Variants in ZFYVE26 observed in about 807,000 individuals in gnomAD.
ZFYVE26 encodes the protein zinc finger FYVE domain-containing protein 26.
A neutral mutation model predicts 276.5 loss-of-function variants in ZFYVE26; 181 were observed. The ratio of observed to expected loss-of-function variants is 0.65; its 90% CI spans 0.58 to 0.74. The LOEUF is 0.74. Among genes scored for constraint, ZFYVE26 ranks in the 30% least tolerant of loss-of-function variants. ZFYVE26 has a pLI of 0.00. For synonymous variants in ZFYVE26, 1,129 were observed against 1,203.1 expected, an observed-to-expected ratio of 0.94 and a Z score of 1.27; for missense variants, 2,821 against 3,097.9, an observed-to-expected ratio of 0.91 and a Z score of 2.12.
intron 14 of ZFYVE26, among the ~76,000 whole-genome samples, chr14:67,791,363 C>T (rs2039809406): frequency 6.6e-6 from 1 of 152,106 alleles, no homozygotes; most frequent in African/African-American, 2.4e-5. Context: ...TGGTTAAATG[C>T]AGCTACTTGA....
At chr14:67,784,307 G>A (rs1008617467) in intron 20 of ZFYVE26, 27 bp downstream of exon 20, 2 of 1,590,172 alleles carry the variant, frequency 1.3e-6, no homozygotes, top group African/African-American at 2.7e-5. Context: ...AAGGCCCATG[G>A]CTGACTTGCA....
intron 29 of ZFYVE26, 137 bp from the exon 30 acceptor site, chr14:67,768,685 G>T (rs1189771369): frequency 3.7e-6 from 3 of 818,554 alleles, no homozygotes; most frequent in Non-Finnish European, 6.2e-6. Flanking sequence ...TTGAATGAAA[G>T]AGTCCCCCAT....
In ZFYVE26 at chr14:67,748,160, G is replaced by T. The variant is rs190260732; in HGVS notation, c.*276C>A. On this transcript the variant is annotated 3_prime_UTR_variant, in exon 42 of 42. Coordinates refer to ENST00000347230, the MANE Select transcript of ZFYVE26 (RefSeq NM_015346.4). The stretch of plus-strand genomic sequence containing the variant: ...CATCAGCGCACAGGAACATGCACAC[G>T]TGTGTGCACACATACTCACTCACTC... 5.8e-6 allele frequency: 3 copies of T among 516,976 alleles called. No homozygotes were observed. The highest frequency in any genetic ancestry group is 6.6e-5 in the East Asian group (2 of 30,166). The allele number at this position is 516,976 out of a possible 1,614,324, so 32.0% of individuals were successfully genotyped here. A position where few individuals can be genotyped will look rare whatever the true frequency, so the allele number is the denominator to read the frequency against.
At chr14:67,779,919 T>C (rs980067187) in intron 23 of ZFYVE26, among the ~76,000 whole-genome samples, 1 of 152,194 alleles carries the variant, frequency 6.6e-6, no homozygotes, top group Non-Finnish European at 1.5e-5. Context: ...TCGTCCAGGC[T>C]AGAGTGCAGT....
At chr14:67,799,494 GA>G in intron 10 of ZFYVE26, 1 of 1,607,006 alleles carries the variant, frequency 6.2e-7, no homozygotes. Context: ...ATTCAGAGCA[GA>G]CAAAAGGATC....
At chr14:67,739,686 G>A (rs1397660918) in intron 13 of ZFYVE26, among the ~76,000 whole-genome samples, 1 of 151,960 alleles carries the variant, frequency 6.6e-6, no homozygotes, top group Non-Finnish European at 1.5e-5. Context: ...TTCTGAATAT[G>A]ACAGATATCC....
rs374527998 is a variant in ZFYVE26 at position 67,793,623 on chromosome 14, G to A, written c.2538C>T (p.Phe846=). 14 of 1,613,546 alleles carry A rather than the reference G, an allele frequency of 8.7e-6. No individual in the cohort carries two copies. Among genetic ancestry groups the A allele is most frequent in the Middle Eastern group, 1.6e-4 (1 of 6,074 alleles). The change falls in exon 14 of 42, where the codon TTC becomes TTT. Residue 846 remains phenylalanine (F), a synonymous_variant. Transcript: ENST00000347230. ...LLASCILRGN[F]AEAHQVLFTF... ...CTCCCCTCACCTGATGGGCTTCTGC[G>A]AAGTTCCCGCGAAGGATGCAGGATG...
Position 67,748,227 on chromosome 14 carries a change from C to T in ZFYVE26, c.*209G>A, listed in dbSNP as rs755815597. 159 of 611,780 alleles carry T rather than the reference C, an allele frequency of 2.6e-4. No homozygotes were observed. The highest frequency in any genetic ancestry group is 7.4e-4 in the Admixed American group (25 of 33,830). The allele number at this position is 611,780 out of a possible 1,614,324, so 37.9% of individuals were successfully genotyped here. On this transcript the variant is annotated 3_prime_UTR_variant, in exon 42 of 42. Coordinates refer to ENST00000347230, the MANE Select transcript of ZFYVE26 (RefSeq NM_015346.4). The stretch of plus-strand genomic sequence containing the variant: ...AACTGGCCATCTCCAGACAAACACA[C>T]ATAGATTCCACAATTTTAGAGAAAC...
At chr14:67,802,621 G>A (rs1213413056) in intron 9 of ZFYVE26, among the ~76,000 whole-genome samples, 1 of 152,162 alleles carries the variant, frequency 6.6e-6, no homozygotes, top group Non-Finnish European at 1.5e-5. Flanking sequence ...CCTAGTTGCA[G>A]CCTTATTATT....
At chr14:67,800,958 T>A (rs1336279422) in intron 10 of ZFYVE26, among the ~76,000 whole-genome samples, 1 of 150,912 alleles carries the variant, frequency 6.6e-6, no homozygotes, top group African/African-American at 2.5e-5. Flanking sequence ...AATAAATAAA[T>A]AAAAGTACAG....
intron 14 of ZFYVE26, among the ~76,000 whole-genome samples, chr14:67,791,675 A>G (rs1277946437): frequency 1.3e-5 from 2 of 151,460 alleles, no homozygotes; most frequent in African/African-American, 2.4e-5. Flanking sequence ...AAAAAAGACC[A>G]CGGCTCAAGA....
intron 35 of ZFYVE26, among the ~76,000 whole-genome samples, chr14:67,758,373 C>G (rs2140188580): frequency 6.6e-6 from 1 of 152,300 alleles, no homozygotes; most frequent in African/African-American, 2.4e-5. Flanking sequence ...GGCAGCACCT[C>G]AAGAACTTCC....
chr14:67,733,644 T>C (rs1410705026), intron 13 of ZFYVE26: 1 of 767,736 alleles, frequency 1.3e-6, no homozygotes, highest in African/African-American at 1.7e-5. Context: ...CTGGCATATA[T>C]TGTATTTTAT....
chr14:67,772,359 A>C (rs1358977072), intron 27 of ZFYVE26, 149 bp from the exon 28 acceptor site: 36 of 954,718 alleles, frequency 3.8e-5, no homozygotes, highest in Non-Finnish European at 5.6e-5. Flanking sequence ...TGTGTCATAA[A>C]AGAGAGACAA....
chr14:67,772,896 G>A (rs1022485601), intron 27 of ZFYVE26, among the ~76,000 whole-genome samples: 2 of 152,146 alleles, frequency 1.3e-5, no homozygotes, highest in African/African-American at 4.8e-5. Context: ...AGGAGTTCAA[G>A]GTTATAGTAG....
intron 30 of ZFYVE26, among the ~76,000 whole-genome samples, chr14:67,768,051 T>C (rs970227579): frequency 6.6e-6 from 1 of 152,200 alleles, no homozygotes; most frequent in African/African-American, 2.4e-5. Flanking sequence ...AGTGTTACAG[T>C]ATTTGTCACG....
intron 35 of ZFYVE26, among the ~76,000 whole-genome samples, chr14:67,756,985 C>A (rs1020742330): frequency 2.6e-5 from 4 of 152,186 alleles, no homozygotes; most frequent in Non-Finnish European, 5.9e-5. Flanking sequence ...TGTCTCCATT[C>A]TTTTAGTTGT....
In ZFYVE26 at chr14:67,734,158, T is replaced by C. The variant is rs780725917; in HGVS notation, n.2680-4339A>G. On this transcript the variant is annotated intron_variant and non_coding_transcript_variant, in intron 13 of 14. Coordinates refer to the ZFYVE26 transcript ENST00000394455. ...GGGGTGGCAGAAGAGCCCGAGAAAT[T>C]GGGTCAGTTCCCTCATCAGCACCAG... 5.1e-5 allele frequency: 17 copies of C among 331,028 alleles called. No individual in the cohort carries two copies. The highest frequency in any genetic ancestry group is 1.0e-4 in the Non-Finnish European group (17 of 168,408). The allele number at this position is 331,028 out of a possible 1,614,324, so 20.5% of individuals were successfully genotyped here. A position where few individuals can be genotyped will look rare whatever the true frequency, so the allele number is the denominator to read the frequency against.
chr14:67,771,897 G>A, intron 28 of ZFYVE26, 150 bp downstream of exon 28: 1 of 1,051,982 alleles, frequency 9.5e-7, no homozygotes, highest in Non-Finnish European at 1.4e-6. Context: ...TTCTGGTCAG[G>A]TCAAAAATGA....
Sources: gnomAD v4.1 joint callset for allele counts (sites outside exome capture counted in the v4.1 genomes callset) on GRCh38, gnomAD v4.1.1 for gene constraint, MANE v1.5 for transcripts, NCBI Gene and HGNC (gene_info 2026-07-23, HGNC 2026-07-21) for gene names.